The following DAB2IP variants were observed in gnomAD, a reference collection of about 807,000 sequenced individuals.
DAB2IP encodes the protein DAB2 interacting protein.
A neutral mutation model predicts 107.2 loss-of-function variants in DAB2IP; 28 were observed. The observed-to-expected ratio is 0.26, with a 90% CI of 0.19 to 0.36. DAB2IP has a LOEUF of 0.36. Among genes scored for constraint, DAB2IP ranks in the 10% least tolerant of loss-of-function variants. The pLI, the probability that DAB2IP is intolerant of heterozygous loss-of-function variation, is 1.00. For synonymous variants in DAB2IP, 755 were observed against 706.4 expected (o/e 1.07, Z -1.09); for missense variants, 1,400 against 1,644.7 (o/e 0.85, Z 2.57).
At position 121,627,476 on chromosome 9, in the gene DAB2IP, T is replaced by C. The variant is rs1056766324; in HGVS notation, c.41-51202T>C. 5.9e-5 allele frequency among the ~76,000 whole-genome samples: 9 copies of C among 152,192 alleles called. 1 individual carries two copies. On this transcript the variant is annotated intron_variant, in intron 1 of 16. Coordinates refer to the DAB2IP transcript ENST00000259371. Reference sequence around the variant, plus strand: ...GTGAGAGTTTATCTGAAGGATAGCATGTAGAAGGAGAATCTATGAATTTAA... The same window carrying C: ...GTGAGAGTTTATCTGAAGGATAGCACGTAGAAGGAGAATCTATGAATTTAA...
chr9:121,782,616 A>C lies in DAB2IP; in HGVS notation c.*118A>C, dbSNP rs1273798491. On this transcript the variant is annotated 3_prime_UTR_variant, in exon 16 of 16. Transcript: ENST00000408936. This position sits in a 1 kb window ranked among gnomAD's most constrained non-coding sequence, Gnocchi z 6.1. ...CCCCAGCGCGGGTGTCAGGAGGCCG[A>C]GCCTCCCCTCCCTGCCGCTGTCCAG... is the stretch of plus-strand genomic sequence containing the variant. 7.3e-6 allele frequency: 11 copies of C among 1,512,366 alleles called. No homozygotes were observed. In the East Asian group the frequency reaches 9.3e-5, roughly 13 times the overall value. The allele number at this position is 1,512,366 out of a possible 1,614,324, so 93.7% of individuals were successfully genotyped here.
At chr9:121,715,748 A>T (rs1027724620) in intron 3 of DAB2IP, among the ~76,000 whole-genome samples, 1 of 152,020 alleles carries the variant, frequency 6.6e-6, no homozygotes, top group Non-Finnish European at 1.5e-5. Context: ...CTCCCCATGA[A>T]ATGGGTTGGT....
chr9:121,722,238 T>A (rs569428163), intron 3 of DAB2IP, among the ~76,000 whole-genome samples: 33 of 152,330 alleles, frequency 2.2e-4, no homozygotes, highest in Non-Finnish European at 3.2e-4. Context: ...TCCTTCAGGT[T>A]CTGGGCTGGG....
At chr9:121,631,130 G>T (rs1831864021) in intron 1 of DAB2IP, among the ~76,000 whole-genome samples, 1 of 152,226 alleles carries the variant, frequency 6.6e-6, no homozygotes, top group Non-Finnish European at 1.5e-5. Flanking sequence ...CCATCTCTGT[G>T]CTGGCCTTTG....
intron 3 of DAB2IP, among the ~76,000 whole-genome samples, chr9:121,712,416 G>A (rs572148164): frequency 2.7e-4 from 41 of 152,198 alleles, no homozygotes; most frequent in Non-Finnish European, 5.0e-4. Flanking sequence ...TAAGAGCAAT[G>A]AGGGCCAGTT....
chr9:121,694,925 C>A (rs1435576394), intron 2 of DAB2IP, among the ~76,000 whole-genome samples: 1 of 152,156 alleles, frequency 6.6e-6, no homozygotes, highest in Non-Finnish European at 1.5e-5. Flanking sequence ...AGCTGCCTGA[C>A]AAGTAGATGG....
At chr9:121,606,548 C>G (rs1407847018) in intron 1 of DAB2IP, among the ~76,000 whole-genome samples, 1 of 152,170 alleles carries the variant, frequency 6.6e-6, no homozygotes, top group South Asian at 2.1e-4. Flanking sequence ...CAGGACTTCC[C>G]TGACTCCCCT....
Position 121,627,755 on chromosome 9 carries a change from A to G in DAB2IP, c.41-50923A>G, listed in dbSNP as rs78339123. On this transcript the variant is annotated intron_variant, in intron 1 of 16. Transcript: ENST00000259371. Reference sequence around the variant, plus strand: ...CTGCCTTGCACTTTCATGCACATGTATATATCCATAGAATAATATGATTCT... The same window carrying G: ...CTGCCTTGCACTTTCATGCACATGTGTATATCCATAGAATAATATGATTCT... 4.0e-3 allele frequency among the ~76,000 whole-genome samples: 609 copies of G among 152,332 alleles called. 4 individuals are homozygous for G. Among genetic ancestry groups the G allele is most frequent in the African/African-American group, 0.014 (587 of 41,578 alleles).
rs143410044 is a variant in DAB2IP, at chr9:121,780,188, ATTTG to A, written c.3315-1272_3315-1269del. Among the ~76,000 whole-genome samples the A allele has an allele frequency of 4.3e-3, 656 of 152,284 alleles. 3 individuals are homozygous for A. Among genetic ancestry groups the A allele is most frequent in the African/African-American group, 0.015 (632 of 41,556 alleles). ...GGCGTGAGCCAATGTGCCCGGCCCT[ATTTG>A]TTTTTAAGACAAGAGAGTAAATACA... is the stretch of plus-strand genomic sequence containing the variant. On this transcript the variant is annotated intron_variant, in intron 14 of 15. Coordinates refer to ENST00000408936, the Ensembl canonical transcript of DAB2IP.
In DAB2IP at chr9:121,707,959, T is replaced by G. The variant is rs1830144577; in HGVS notation, c.362+8501T>G. ...AACTAAGTGGCTATGACTAAATCCC[T>G]ACTCTTGTACTAGAAACCCAGGGCA... On this transcript the variant is annotated intron_variant, in intron 3 of 15. Transcript: ENST00000408936. Among the ~76,000 whole-genome samples, 3 of 152,206 alleles carry G rather than the reference T, an allele frequency of 2.0e-5. 1 individual carries two copies. The South Asian group carries it at 6.2e-4, about 32-fold the overall frequency.
chr9:121,625,983 A>G (rs1469923887), intron 1 of DAB2IP, among the ~76,000 whole-genome samples: 1 of 151,814 alleles, frequency 6.6e-6, no homozygotes, highest in Non-Finnish European at 1.5e-5. Context: ...CCTGGCTCAC[A>G]TTGGCATTTG....
At chr9:121,660,059 C>T (rs1295858732) in intron 1 of DAB2IP, among the ~76,000 whole-genome samples, 2 of 151,938 alleles carry the variant, frequency 1.3e-5, no homozygotes, top group African/African-American at 4.8e-5. Context: ...GATGGTGTGA[C>T]TGGAAAGGTA....
At chr9:121,571,983 C>CGGGTGAT (rs56955452) in intron 1 of DAB2IP, among the ~76,000 whole-genome samples, 45,673 of 151,532 alleles carry the variant, frequency 0.3, 7,521 homozygotes, top group African/African-American at 0.4. Flanking sequence ...ATTGGGGTGA[C>CGGGTGAT]GGCCAGACAA....
chr9:121,766,773 G>C (rs760725596), intron 9 of DAB2IP, 43 bp downstream of exon 9: 25 of 1,599,518 alleles, frequency 1.6e-5, no homozygotes, highest in Non-Finnish European at 2.0e-5. Context: ...GGCAGGGCTG[G>C]TGTCCACAGG....
At chr9:121,616,192 TGCAG>T (rs1197609806) in intron 1 of DAB2IP, among the ~76,000 whole-genome samples, 1 of 152,166 alleles carries the variant, frequency 6.6e-6, no homozygotes, top group Non-Finnish European at 1.5e-5. Context: ...TCCTGCAGGA[TGCAG>T]GCGAGGGAGG....
chr9:121,579,000 G>A (rs1303128249), intron 1 of DAB2IP, among the ~76,000 whole-genome samples: 1 of 152,014 alleles, frequency 6.6e-6, no homozygotes, highest in African/African-American at 2.4e-5. Flanking sequence ...AGAATCCAGG[G>A]CTTTCTCTTG....
intron 2 of DAB2IP, among the ~76,000 whole-genome samples, chr9:121,695,955 A>T (rs1358698829): frequency 1.3e-5 from 2 of 151,964 alleles, no homozygotes; most frequent in Non-Finnish European, 2.9e-5. Context: ...TGCAGCCTCC[A>T]CCTCCTGGGT....
Position 121,756,256 on chromosome 9 carries a change from C to T in DAB2IP, c.363-757C>T, listed in dbSNP as rs868176765. Among the ~76,000 whole-genome samples, 12 of 152,322 alleles carry T rather than the reference C, an allele frequency of 7.9e-5. No homozygotes were observed. The South Asian group carries it at 2.3e-3, about 29-fold the overall frequency. On this transcript the variant is annotated intron_variant, in intron 3 of 15. Transcript: ENST00000408936. ...ACAGGCTCAGAGGAGAACGATTTCCCCAGGGCCACACAGCAGGGGAGCAGC... is the reference window on the plus strand; with the variant it reads ...ACAGGCTCAGAGGAGAACGATTTCCTCAGGGCCACACAGCAGGGGAGCAGC...
chr9:121,691,872 A>C (rs1829182437), intron 2 of DAB2IP, among the ~76,000 whole-genome samples: 1 of 152,228 alleles, frequency 6.6e-6, no homozygotes, highest in Admixed American at 6.5e-5. Flanking sequence ...GGGCAGGAGA[A>C]ATGTTTAGGG....
Sources: gnomAD v4.1 joint callset for allele counts (sites outside exome capture counted in the v4.1 genomes callset) on GRCh38, gnomAD v4.1.1 for gene constraint, Gnocchi (gnomAD v3.1) non-coding constraint, MANE v1.5 for transcripts, NCBI Gene and HGNC (gene_info 2026-07-23, HGNC 2026-07-21) for gene names.